The following ZNF469 variants were observed in gnomAD, a reference collection of about 807,000 sequenced individuals.
ZNF469 encodes zinc finger protein 469.
ZNF469 carries 1 observed loss-of-function variant against 1.0 expected under a neutral mutation model. That is an observed-to-expected ratio of 1.00 (90% CI 0.35 to 4.73). The LOEUF (loss-of-function observed/expected upper bound fraction) is 4.73. Ranked by LOEUF, ZNF469 falls within the 30% of genes most tolerant of loss-of-function variation. The pLI is 0.16. For missense variants in ZNF469, 6,100 were observed against 5,356.3 expected (o/e 1.14, Z -4.33); for synonymous variants, 2,703 against 2,363.4 (o/e 1.14, Z -4.17).
At position 88,427,554 on chromosome 16, in the gene ZNF469, G is replaced by T; in HGVS notation, c.84G>T (p.Gly28=). 1 of 1,536,922 alleles carries T rather than the reference G, an allele frequency of 6.5e-7. No homozygotes were observed. Residue 28 remains glycine, a synonymous_variant, in exon 3 of 3, where the codon GGG becomes GGT. Coordinates refer to ENST00000565624, the MANE Select transcript of ZNF469 (RefSeq NM_001367624.2). ...CCCGCCAAGTTGCCAGCAGCCCGGG[G>T]CACCCCTCCCAGCCGCCACTGGAGG... The part of the protein sequence containing the change: ...LQPRQVASSP[G]HPSQPPLEDN...
the ZNF469 span, among the ~76,000 whole-genome samples, chr16:88,133,077 C>T: frequency 6.6e-6 from 1 of 152,188 alleles, no homozygotes; most frequent in Admixed American, 6.5e-5. Flanking sequence ...GGGGGGCTGC[C>T]CTTCTTGTGC....
chr16:88,227,054 G>A, the ZNF469 span, among the ~76,000 whole-genome samples: 2 of 145,102 alleles, frequency 1.4e-5, no homozygotes, highest in African/African-American at 2.5e-5. Context: ...CCTCCGCGCC[G>A]GGGCCTGCGC....
the ZNF469 span, among the ~76,000 whole-genome samples, chr16:88,205,282 T>G: frequency 6.6e-6 from 1 of 152,162 alleles, no homozygotes; most frequent in South Asian, 2.1e-4. The surrounding 1 kb of genome is among the most constrained non-coding windows in gnomAD (Gnocchi z 4.2). Flanking sequence ...ACCACCTGAT[T>G]ATGTCCCGGC....
At chr16:88,111,180 C>T in the ZNF469 span, among the ~76,000 whole-genome samples, 1 of 152,172 alleles carries the variant, frequency 6.6e-6, no homozygotes, top group East Asian at 1.9e-4. Flanking sequence ...GCCGAAGAGG[C>T]CAGCGTGAGG....
the ZNF469 span, among the ~76,000 whole-genome samples, chr16:88,320,858 G>A: frequency 7.4e-4 from 112 of 152,286 alleles, no homozygotes; most frequent in Non-Finnish European, 1.1e-3. Context: ...CCCAGCACAC[G>A]CCCAACACGA....
the ZNF469 span, among the ~76,000 whole-genome samples, chr16:88,283,495 C>T: frequency 6.6e-6 from 1 of 152,166 alleles, no homozygotes; most frequent in Non-Finnish European, 1.5e-5. Flanking sequence ...CAACTGTGAG[C>T]CTAGGCAGTG....
chr16:88,378,890 G>A (rs879919811), upstream of ZNF469, among the ~76,000 whole-genome samples: 11 of 152,230 alleles, frequency 7.2e-5, no homozygotes, highest in Non-Finnish European at 1.6e-4. Context: ...GTCCTCGCTC[G>A]GAGGTCTCCT....
chr16:88,380,920 TCACACAGACA>T, upstream of ZNF469, among the ~76,000 whole-genome samples: 1 of 60,760 alleles, frequency 1.6e-5, no homozygotes, highest in East Asian at 9.0e-4. Context: ...AGACATGCAC[TCACACAGACA>T]CGCACTCACA....
chr16:88,385,328 G>A (rs973359753), intron 1 of ZNF469, among the ~76,000 whole-genome samples: 11 of 151,996 alleles, frequency 7.2e-5, no homozygotes, highest in Admixed American at 1.3e-4. Flanking sequence ...CCTCCCTTCC[G>A]GTTCTGACTC....
chr16:88,306,158 A>G, the ZNF469 span, among the ~76,000 whole-genome samples: 1 of 152,238 alleles, frequency 6.6e-6, no homozygotes, highest in African/African-American at 2.4e-5. Context: ...GAGGTTCAGA[A>G]GCAGCCTCCT....
chr16:88,153,590 C>A, the ZNF469 span, among the ~76,000 whole-genome samples: 1 of 152,232 alleles, frequency 6.6e-6, no homozygotes, highest in Admixed American at 6.5e-5. Flanking sequence ...GTCATAGCAG[C>A]CCTCAGCAGG....
the ZNF469 span, among the ~76,000 whole-genome samples, chr16:88,345,942 C>G: frequency 2.6e-5 from 4 of 152,148 alleles, no homozygotes; most frequent in Non-Finnish European, 4.4e-5. Flanking sequence ...GACCTGGCAT[C>G]GCATCACCCT....
chr16:88,148,867 C>T, the ZNF469 span, among the ~76,000 whole-genome samples: 2 of 152,200 alleles, frequency 1.3e-5, no homozygotes, highest in East Asian at 1.9e-4. Context: ...CCTCTTGTGC[C>T]GGGGGGTTCA....
chr16:88,309,272 G>A, the ZNF469 span, among the ~76,000 whole-genome samples: 1 of 152,250 alleles, frequency 6.6e-6, no homozygotes, highest in Admixed American at 6.5e-5. Context: ...GAGGAGGGTG[G>A]GACAGCGGTG....
chr16:88,376,380 CG>C, the ZNF469 span, among the ~76,000 whole-genome samples: 1 of 152,234 alleles, frequency 6.6e-6, no homozygotes. Context: ...AGGGGACGTC[CG>C]GGGTGAGAGG....
chr16:88,138,777 T>G, the ZNF469 span, among the ~76,000 whole-genome samples: 2 of 152,232 alleles, frequency 1.3e-5, no homozygotes, highest in Non-Finnish European at 2.9e-5. Context: ...GGAAACACAT[T>G]TAAAGCATTT....
Position 88,436,858 on chromosome 16 carries a change from C to G in ZNF469, c.9388C>G (p.Leu3130Val). 1 of 1,528,816 alleles carries G rather than the reference C, an allele frequency of 6.5e-7. No homozygotes were observed. The highest frequency in any genetic ancestry group is 2.0e-5 in the Admixed American group (1 of 49,918). 94.7% of individuals were successfully genotyped at this position (1,528,816 alleles called of 1,614,324 possible). The change falls in exon 3 of 3, where the codon CTG becomes GTG. Residue 3130 changes from leucine (L) to valine (V), a missense_variant. By Grantham distance (32) the Leu-to-Val change is conservative. Transcript: ENST00000565624. Reference sequence around the variant, plus strand: ...CCAGCGCTTCCGCAGCCTGGGCGAGCTGGACCTGCACAAGCTGGCCCACAC... The same window carrying G: ...CCAGCGCTTCCGCAGCCTGGGCGAGGTGGACCTGCACAAGCTGGCCCACAC... ...CFQRFRSLGE[L>V]DLHKLAHTPA...
rs540443650 is a variant in ZNF469 at position 88,435,550 on chromosome 16, C to G, written c.8080C>G (p.Arg2694Gly). 1 of 1,549,778 alleles carries G rather than the reference C, an allele frequency of 6.5e-7. No individual in the cohort carries two copies. Among genetic ancestry groups the G allele is most frequent in the African/African-American group, 1.4e-5 (1 of 73,174 alleles). Residue 2694 changes from arginine to glycine, a missense_variant, in exon 3 of 3, where the codon CGC becomes GGC. Transcript: ENST00000565624. ...TGAGGCTGACGGGGAGCAGCCGCCT[C>G]GCTTGGCCACTCTGGGACCTGGGGT... ...GPEADGEQPP[R>G]LATLGPGVME...
the ZNF469 span, among the ~76,000 whole-genome samples, chr16:88,330,776 C>T: frequency 1.3e-5 from 2 of 152,176 alleles, no homozygotes; most frequent in Non-Finnish European, 2.9e-5. Flanking sequence ...CAGCCACTGC[C>T]GCATGCTACC....
Sources: allele counts gnomAD v4.1 joint callset (sites outside exome capture counted in the v4.1 genomes callset), GRCh38; gene constraint gnomAD v4.1.1; non-coding constraint Gnocchi (gnomAD v3.1); transcripts MANE v1.5; gene names NCBI Gene and HGNC (gene_info 2026-07-23, HGNC 2026-07-21).